Variants in RLF observed in about 807,000 individuals in gnomAD.
RLF encodes the protein zinc finger protein Rlf.
Under a neutral mutation model 162.9 loss-of-function variants are expected in RLF, and 7 were observed. The observed-to-expected ratio is 0.04, with a 90% CI of 0.02 to 0.08. The LOEUF is 0.08. RLF is among the 10% of genes least tolerant of loss of function. The probability of loss-of-function intolerance (pLI) is 1.00; values close to 1 mark genes in which losing one functional copy is unlikely to be tolerated. For missense variants in RLF, 1,664 were observed against 2,244.7 expected (o/e 0.74, Z 5.23); for synonymous variants, 782 against 791.5 (o/e 0.99, Z 0.20).
chr1:40,184,421 T>C (rs966681951), intron 1 of RLF, among the ~76,000 whole-genome samples: 20 of 152,204 alleles, frequency 1.3e-4, no homozygotes, highest in African/African-American at 4.8e-4. Flanking sequence ...CAAAGATATT[T>C]CTGAGATAGA....
chr1:40,178,144 A>AT (rs959489824), intron 1 of RLF, among the ~76,000 whole-genome samples: 35 of 151,888 alleles, frequency 2.3e-4, no homozygotes, highest in African/African-American at 5.5e-4. Context: ...TATATGAGTG[A>AT]TTTTTTTTAA....
In RLF at chr1:40,237,308, A is replaced by T. The variant is rs1643229261; in HGVS notation, c.2606A>T (p.Asp869Val). 6.2e-7 allele frequency: 1 copy of T among 1,614,068 alleles called. No individual in the cohort carries two copies. The highest frequency in any genetic ancestry group is 8.5e-7 in the Non-Finnish European group (1 of 1,179,982). Residue 869 changes from aspartate to valine, a missense_variant, in exon 8 of 8, where the codon GAT (aspartate) becomes GTT (valine). By Grantham distance (152) the Asp-to-Val change is radical (BLOSUM62 -3). Coordinates refer to ENST00000372771, the MANE Select transcript of RLF (RefSeq NM_012421.4). This position sits in a 1 kb window ranked among gnomAD's most constrained non-coding sequence, Gnocchi z 4.4. ...NQTDKSHLPE[D>V]LFCAESANSQ... The stretch of plus-strand genomic sequence containing the variant: ...ACTGATAAATCACATTTACCTGAAG[A>T]TCTTTTCTGTGCAGAATCAGCTAAT...
At chr1:40,232,143 G>A (rs937120203) in intron 7 of RLF, among the ~76,000 whole-genome samples, 4 of 151,960 alleles carry the variant, frequency 2.6e-5, no homozygotes, top group Non-Finnish European at 4.4e-5. Context: ...GGAAGGCGGA[G>A]GTTGTGGTGA....
chr1:40,198,465 C>T (rs1308279549), intron 4 of RLF, among the ~76,000 whole-genome samples: 7 of 152,070 alleles, frequency 4.6e-5, no homozygotes, highest in Non-Finnish European at 8.8e-5. Context: ...CCACCACACC[C>T]GGCTAATTTT....
rs956116390 is a variant in RLF, at chr1:40,224,221, A to G, written c.947+1511A>G. On this transcript the variant is annotated intron_variant, in intron 6 of 7. Coordinates refer to ENST00000372771, the MANE Select transcript of RLF (RefSeq NM_012421.4). The stretch of plus-strand genomic sequence containing the variant: ...TCCCTTTGTGGCCTCCTCAGGAGCT[A>G]TAATGAGTAAAGGAAAGAAAATCTT... 4.6e-5 allele frequency among the ~76,000 whole-genome samples: 7 copies of G among 151,944 alleles called. No homozygotes were observed. The East Asian group carries it at 1.4e-3, about 29-fold the overall frequency.
chr1:40,233,720 C>CT (rs2124560743), intron 7 of RLF, among the ~76,000 whole-genome samples: 1 of 152,306 alleles, frequency 6.6e-6, no homozygotes, highest in African/African-American at 2.4e-5. Flanking sequence ...GGTAATGCCT[C>CT]TCTTTCAAAA....
At chr1:40,187,088 G>A (rs1241356140) in intron 1 of RLF, among the ~76,000 whole-genome samples, 1 of 151,274 alleles carries the variant, frequency 6.6e-6, no homozygotes, top group African/African-American at 2.4e-5. Context: ...CTGGAGTGCA[G>A]TGGCGCAATC....
intron 7 of RLF, among the ~76,000 whole-genome samples, chr1:40,233,086 C>T (rs1416445061): frequency 7.0e-6 from 1 of 143,874 alleles, no homozygotes; most frequent in East Asian, 2.0e-4. Context: ...CAGAGTGAGA[C>T]TCTGTCTCAA....
chr1:40,209,706 TC>T (rs1642842601), intron 5 of RLF, among the ~76,000 whole-genome samples: 3 of 152,148 alleles, frequency 2.0e-5, no homozygotes, highest in South Asian at 2.1e-4. Context: ...TGAAACCTTG[TC>T]TCTACTAAAG....
At chr1:40,220,970 T>TA (rs750563466) in intron 5 of RLF, among the ~76,000 whole-genome samples, 3,941 of 101,806 alleles carry the variant, frequency 0.039, 69 homozygotes, top group East Asian at 0.044. Context: ...CTACAAAAAT[T>TA]AAAAAAAAAA....
chr1:40,199,746 T>TA (rs1394250241), intron 4 of RLF, among the ~76,000 whole-genome samples: 4 of 152,104 alleles, frequency 2.6e-5, no homozygotes, highest in African/African-American at 9.7e-5. Flanking sequence ...TACAACCTCA[T>TA]ATGGCAGGTA....
intron 1 of RLF, among the ~76,000 whole-genome samples, chr1:40,185,127 A>G (rs1214531360): frequency 6.6e-6 from 1 of 151,958 alleles, no homozygotes; most frequent in South Asian, 2.1e-4. Context: ...CTCCAGTCCT[A>G]GCTACTCAGG....
intron 1 of RLF, among the ~76,000 whole-genome samples, chr1:40,176,613 T>C (rs1213738003): frequency 6.6e-6 from 1 of 152,198 alleles, no homozygotes; most frequent in Non-Finnish European, 1.5e-5. Flanking sequence ...CTAATTTTTT[T>C]GTATTTTTTT....
At chr1:40,189,658 G>C (rs1642530478) in intron 2 of RLF, among the ~76,000 whole-genome samples, 1 of 152,110 alleles carries the variant, frequency 6.6e-6, no homozygotes, top group Admixed American at 6.5e-5. Flanking sequence ...TTTAGCGCGG[G>C]CATGGTGGCG....
chr1:40,187,562 T>C (rs1570528903), intron 1 of RLF, among the ~76,000 whole-genome samples: 1 of 152,300 alleles, frequency 6.6e-6, no homozygotes, highest in East Asian at 1.9e-4. Flanking sequence ...AGATACTTAA[T>C]TGAGTAGGTC....
chr1:40,235,828 T>G lies in RLF; in HGVS notation c.1126T>G (p.Cys376Gly), dbSNP rs1469115073. 1 of 1,606,138 alleles carries G rather than the reference T, an allele frequency of 6.2e-7. No homozygotes were observed. The highest frequency in any genetic ancestry group is 8.5e-7 in the Non-Finnish European group (1 of 1,177,228). Reference sequence around the variant, plus strand: ...TGGTCTTGGGGTGTCAATTTTACTGTGTGTCAGAGCTCTTCAACTCAGATC... The same window carrying G: ...TGGTCTTGGGGTGTCAATTTTACTGGGTGTCAGAGCTCTTCAACTCAGATC... ...DAGLGVSILL[C>G]VRALQLRSSE... The change falls in exon 8 of 8, where the codon TGT becomes GGT. Residue 376 changes from cysteine to glycine, a missense_variant. By Grantham distance (159) the Cys-to-Gly change is radical (BLOSUM62 -3). Around this residue, in one of 15 missense-constraint regions of RLF, gnomAD observed 287 missense variants for 404.9 expected, o/e 0.71. Transcript: ENST00000372771.
chr1:40,217,696 C>T (rs1043030109), intron 5 of RLF, among the ~76,000 whole-genome samples: 7 of 151,782 alleles, frequency 4.6e-5, no homozygotes, highest in African/African-American at 1.2e-4. Flanking sequence ...TGCATGAACC[C>T]GGGAGGCGGA....
At chr1:40,174,774 G>A (rs1335433924) in intron 1 of RLF, among the ~76,000 whole-genome samples, 1 of 152,130 alleles carries the variant, frequency 6.6e-6, no homozygotes, top group African/African-American at 2.4e-5. Flanking sequence ...TGTAGAATAA[G>A]TGCCCATGCC....
At chr1:40,195,520 C>A in intron 3 of RLF, 112 bp from the exon 4 acceptor site, 1 of 805,742 alleles carries the variant, frequency 1.2e-6, no homozygotes, top group Non-Finnish European at 1.9e-6. Flanking sequence ...TACTTATTTT[C>A]AGGAAATCCA....
Sources: gnomAD v4.1 joint callset for allele counts (sites outside exome capture counted in the v4.1 genomes callset) on GRCh38, gnomAD v4.1.1 for gene constraint, gnomAD v4.1.1 regional missense constraint, Gnocchi (gnomAD v3.1) non-coding constraint, MANE v1.5 for transcripts, NCBI Gene and HGNC (gene_info 2026-07-23, HGNC 2026-07-21) for gene names.